FSTL5: variants seen among roughly 807,000 people sequenced by gnomAD.
The protein encoded by FSTL5 is follistatin-related protein 5.
In FSTL5, 62 loss-of-function variants were observed where a neutral mutation model predicts 89.1. The observed-to-expected ratio is 0.70, with a 90% CI of 0.57 to 0.86. The LOEUF (loss-of-function observed/expected upper bound fraction) is 0.86, where lower values mean the gene tolerates loss of function less well. Ranked by LOEUF, FSTL5 falls within the 40% of genes least tolerant of loss-of-function variation. The pLI, the probability that FSTL5 is intolerant of heterozygous loss-of-function variation, is 0.00. For synonymous variants in FSTL5, 383 were observed against 346.2 expected (o/e 1.11, Z -1.18); for missense variants, 1,057 against 1,001.6 (o/e 1.06, Z -0.75).
intron 1 of FSTL5, among the ~76,000 whole-genome samples, chr4:162,151,918 TC>T (rs1733239747): frequency 6.6e-6 from 1 of 152,194 alleles, no homozygotes; most frequent in Non-Finnish European, 1.5e-5. Flanking sequence ...CTTAATGCCT[TC>T]TTGAGCTCCC....
At position 161,522,441 on chromosome 4, in the gene FSTL5, A is replaced by G. The variant is rs576709823; in HGVS notation, c.1313-12017T>C. On this transcript the variant is annotated intron_variant, in intron 10 of 15. Transcript: ENST00000306100. ...TCAAGCAAGACTTTGAGAATAGGAT[A>G]TAGAAAGGCTTTTCCTCCCGTATTA... 7.2e-4 allele frequency among the ~76,000 whole-genome samples: 109 copies of G among 152,266 alleles called. 2 individuals carry two copies. In the South Asian group the frequency reaches 0.021, roughly 29 times the overall value.
intron 6 of FSTL5, among the ~76,000 whole-genome samples, chr4:161,733,476 T>A (rs572531514): frequency 6.6e-6 from 1 of 152,056 alleles, no homozygotes; most frequent in Non-Finnish European, 1.5e-5. Context: ...ATGCTTTTCA[T>A]GTCCCTTTCT....
intron 8 of FSTL5, among the ~76,000 whole-genome samples, chr4:161,582,216 C>T (rs1257271702): frequency 6.6e-6 from 1 of 152,112 alleles, no homozygotes; most frequent in Admixed American, 6.5e-5. Context: ...TAATCAATGA[C>T]ATATTTTGTT....
At chr4:161,967,907 A>C (rs947752731) in intron 3 of FSTL5, among the ~76,000 whole-genome samples, 2 of 152,092 alleles carry the variant, frequency 1.3e-5, no homozygotes, top group Non-Finnish European at 2.9e-5. Context: ...GAAAGTGATA[A>C]TATTTTGTGT....
At chr4:161,813,448 A>G (rs1300844999) in intron 4 of FSTL5, among the ~76,000 whole-genome samples, 1 of 152,202 alleles carries the variant, frequency 6.6e-6, no homozygotes, top group Non-Finnish European at 1.5e-5. Context: ...AGCATGTTGT[A>G]GTGGAAAGAT....
chr4:161,966,013 G>T (rs1424287416), intron 3 of FSTL5, among the ~76,000 whole-genome samples: 2 of 152,066 alleles, frequency 1.3e-5, no homozygotes, highest in Non-Finnish European at 2.9e-5. Context: ...ATGAATATGT[G>T]TATAAATTTC....
At chr4:161,995,584 T>C (rs1736267099) in intron 3 of FSTL5, among the ~76,000 whole-genome samples, 1 of 152,132 alleles carries the variant, frequency 6.6e-6, no homozygotes, top group Non-Finnish European at 1.5e-5. Flanking sequence ...TGTCAGTACC[T>C]AGGAATGCAA....
chr4:161,788,513 T>A (rs1242995315), intron 4 of FSTL5, among the ~76,000 whole-genome samples: 2 of 152,208 alleles, frequency 1.3e-5, no homozygotes, highest in Admixed American at 6.5e-5. Flanking sequence ...CATGCAGTAT[T>A]TTGTCTTCTG....
chr4:161,518,553 C>T (rs1249138646), intron 10 of FSTL5, among the ~76,000 whole-genome samples: 1 of 152,132 alleles, frequency 6.6e-6, no homozygotes, highest in Non-Finnish European at 1.5e-5. Context: ...TTCACACTGC[C>T]AGTTTAAAGT....
chr4:161,883,616 G>T (rs1309830364), intron 4 of FSTL5, among the ~76,000 whole-genome samples: 2 of 152,086 alleles, frequency 1.3e-5, no homozygotes, highest in Non-Finnish European at 2.9e-5. Context: ...CCTAGGCTAT[G>T]TTAACATTTT....
At position 161,481,110 on chromosome 4, in the gene FSTL5, A is replaced by G. The variant is rs1185092555; in HGVS notation, c.1518T>C (p.Ala506=). 6.2e-6 allele frequency: 10 copies of G among 1,613,030 alleles called. No individual in the cohort carries two copies. The highest frequency in any genetic ancestry group is 1.3e-5 in the African/African-American group (1 of 74,898). ...DEVQRCVWAS[A]VNVKDKFIYV... is the part of the protein sequence containing the mutation. ...AAATGAACTTGTCTTTGACATTAAC[A>G]GCTGATGCCCACACACACCTCTGAA... The change falls in exon 13 of 16, where the codon GCT becomes GCC. Residue 506 remains alanine, a synonymous_variant. Transcript: ENST00000306100.
chr4:161,643,061 A>C (rs909686829), intron 7 of FSTL5, among the ~76,000 whole-genome samples: 1 of 152,210 alleles, frequency 6.6e-6, no homozygotes, highest in Admixed American at 6.5e-5. Context: ...TTCTAAATAC[A>C]TGAGTTAATA....
At chr4:161,605,013 T>A (rs970018086) in intron 7 of FSTL5, among the ~76,000 whole-genome samples, 1 of 152,168 alleles carries the variant, frequency 6.6e-6, no homozygotes, top group African/African-American at 2.4e-5. Context: ...AGTACCTAAA[T>A]TTTCAATATA....
At chr4:161,803,639 A>G (rs1729867113) in intron 4 of FSTL5, among the ~76,000 whole-genome samples, 1 of 151,992 alleles carries the variant, frequency 6.6e-6, no homozygotes, top group Admixed American at 6.6e-5. Context: ...ATTGATATAT[A>G]TCACTTTTAC....
chr4:161,499,133 C>T (rs368733906), intron 12 of FSTL5, among the ~76,000 whole-genome samples: 2 of 151,892 alleles, frequency 1.3e-5, no homozygotes, highest in East Asian at 3.9e-4. Flanking sequence ...ACCCAGGAGG[C>T]GGAGGTTGCA....
At chr4:162,055,743 T>C (rs1738522979) in intron 2 of FSTL5, among the ~76,000 whole-genome samples, 1 of 151,844 alleles carries the variant, frequency 6.6e-6, no homozygotes, top group African/African-American at 2.4e-5. Context: ...TTCTTATAGT[T>C]TTTACTACTA....
At chr4:161,705,262 C>T (rs1317425228) in intron 6 of FSTL5, among the ~76,000 whole-genome samples, 2 of 151,900 alleles carry the variant, frequency 1.3e-5, no homozygotes, top group East Asian at 3.9e-4. Context: ...TTTAAGTAGA[C>T]ATTAAATAAA....
intron 12 of FSTL5, among the ~76,000 whole-genome samples, chr4:161,491,028 C>T (rs991232463): frequency 6.6e-6 from 1 of 151,878 alleles, no homozygotes; most frequent in African/African-American, 2.4e-5. Context: ...ATAAAAGGCA[C>T]GTTATCTTTG....
At chr4:161,937,329 T>C (rs983110805) in intron 3 of FSTL5, among the ~76,000 whole-genome samples, 1 of 151,894 alleles carries the variant, frequency 6.6e-6, no homozygotes, top group Non-Finnish European at 1.5e-5. Context: ...AAGGTCCAGA[T>C]GGAGAGGGAA....
Sources: allele counts gnomAD v4.1 joint callset (sites outside exome capture counted in the v4.1 genomes callset), GRCh38; gene constraint gnomAD v4.1.1; transcripts MANE v1.5; gene names NCBI Gene and HGNC (gene_info 2026-07-23, HGNC 2026-07-21).